GLI2: variants seen among roughly 807,000 people sequenced by gnomAD.
GLI2 encodes transcription activator GLI2.
GLI2 carries 22 observed loss-of-function variants against 78.9 expected under a neutral mutation model. The observed-to-expected ratio is 0.28, with a 90% CI of 0.20 to 0.40. GLI2 has a LOEUF of 0.40. Among genes scored for constraint, GLI2 ranks in the 10% least tolerant of loss-of-function variants. The pLI, the probability that GLI2 is intolerant of heterozygous loss-of-function variation, is 1.00. For missense variants in GLI2, 2,097 were observed against 2,213.2 expected (o/e 0.95, Z 1.05); for synonymous variants, 974 against 963.7 (o/e 1.01, Z -0.20).
chr2:120,815,099 G>A (rs1179033614), intron 2 of GLI2, among the ~76,000 whole-genome samples: 5 of 152,150 alleles, frequency 3.3e-5, no homozygotes, highest in African/African-American at 9.7e-5. Flanking sequence ...CCAGGGATGA[G>A]CCTGATCTAT....
At chr2:120,855,642 G>A (rs536028279) in intron 2 of GLI2, among the ~76,000 whole-genome samples, 64 of 152,352 alleles carry the variant, frequency 4.2e-4, no homozygotes, top group African/African-American at 1.5e-3. Context: ...TGAAACTACT[G>A]CGAGCTCACT....
chr2:120,860,117 G>A (rs1437788473), intron 2 of GLI2, among the ~76,000 whole-genome samples: 1 of 152,180 alleles, frequency 6.6e-6, no homozygotes, highest in Non-Finnish European at 1.5e-5. Flanking sequence ...GTGGTGTGAG[G>A]GTGGATTGAA....
chr2:120,775,607 C>T (rs1683654593), intron 1 of GLI2, among the ~76,000 whole-genome samples: 1 of 152,266 alleles, frequency 6.6e-6, no homozygotes, highest in East Asian at 1.9e-4. Flanking sequence ...AGAGTACCCC[C>T]CAGAGTAATT....
chr2:120,918,185 G>A (rs1414431469), intron 2 of GLI2, among the ~76,000 whole-genome samples: 3 of 152,178 alleles, frequency 2.0e-5, no homozygotes, highest in Non-Finnish European at 2.9e-5. Flanking sequence ...TGTATGTCAA[G>A]GCCATATGAG....
At chr2:120,875,785 A>G (rs937434284) in intron 2 of GLI2, among the ~76,000 whole-genome samples, 2 of 152,140 alleles carry the variant, frequency 1.3e-5, no homozygotes, top group Non-Finnish European at 1.5e-5. Flanking sequence ...AGCCAGGACT[A>G]AAAGATGACA....
intron 3 of GLI2, among the ~76,000 whole-genome samples, chr2:120,935,937 G>A (rs549011533): frequency 2.0e-5 from 3 of 152,306 alleles, no homozygotes; most frequent in East Asian, 1.9e-4. Context: ...GGAGAGAGCC[G>A]TGGTGGTCAG....
At position 120,834,333 on chromosome 2, in the gene GLI2, G is replaced by A. The variant is rs114447143; in HGVS notation, c.148+36865G>A. Among the ~76,000 whole-genome samples, 554 of 152,300 alleles carry A rather than the reference G, an allele frequency of 3.6e-3. 2 individuals are homozygous for A. Among genetic ancestry groups the A allele is most frequent in the African/African-American group, 0.012 (484 of 41,574 alleles). ...TTTGTGGAAGGGCTGGCAAGGCAGGGCCAGAAGCTTAGGGTTGGCCGGTTT... is the reference window on the plus strand; with the variant it reads ...TTTGTGGAAGGGCTGGCAAGGCAGGACCAGAAGCTTAGGGTTGGCCGGTTT... On this transcript the variant is annotated intron_variant, in intron 2 of 13. Coordinates refer to ENST00000361492, the MANE Select transcript of GLI2 (RefSeq NM_001374353.1).
chr2:120,797,252 G>T (rs1659761846), intron 1 of GLI2, 39 bp from the exon 2 acceptor site: 1 of 1,539,640 alleles, frequency 6.5e-7, no homozygotes, highest in Non-Finnish European at 9.0e-7. Flanking sequence ...GGCTGGGTTT[G>T]GGCTCAGTGT....
At chr2:120,941,097 C>G (rs11904594) in intron 3 of GLI2, among the ~76,000 whole-genome samples, 3,819 of 152,292 alleles carry the variant, frequency 0.025, 173 homozygotes, top group African/African-American at 0.088. Context: ...TGAATGTCTG[C>G]AAACTGCGGC....
chr2:120,940,362 G>C (rs1253759459), intron 3 of GLI2, among the ~76,000 whole-genome samples: 1 of 152,016 alleles, frequency 6.6e-6, no homozygotes, highest in African/African-American at 2.4e-5. Flanking sequence ...TTCAGCCTCT[G>C]GACTATAGTG....
intron 2 of GLI2, among the ~76,000 whole-genome samples, chr2:120,920,103 T>C (rs1287999067): frequency 6.6e-6 from 1 of 152,236 alleles, no homozygotes; most frequent in Admixed American, 6.5e-5. Flanking sequence ...TCCCGCAGTC[T>C]TGATGGAAGA....
rs1261469225 is a variant in GLI2 at position 120,867,127 on chromosome 2, C to T, written c.149-60234C>T. The T allele has an allele frequency of 5.3e-5, 8 of 152,324 alleles. No individual in the cohort carries two copies. The South Asian group carries it at 6.2e-4, about 12-fold the overall frequency. 9.4% of individuals were successfully genotyped at this position (152,324 alleles called of 1,614,324 possible). A position where few individuals can be genotyped will look rare whatever the true frequency, so the allele number is the denominator to read the frequency against. The stretch of plus-strand genomic sequence containing the variant: ...CTTCTTACCCAGTGGGCTGCCTAGT[C>T]CACATGGCCCCTAAGATCCCACCCA... On this transcript the variant is annotated intron_variant, in intron 2 of 13. Coordinates refer to ENST00000361492, the MANE Select transcript of GLI2 (RefSeq NM_001374353.1).
intron 2 of GLI2, among the ~76,000 whole-genome samples, chr2:120,817,675 G>A (rs1685564683): frequency 6.6e-6 from 1 of 152,138 alleles, no homozygotes; most frequent in Non-Finnish European, 1.5e-5. Flanking sequence ...AGCTGTCTCT[G>A]CCCAGACCCC....
intron 1 of GLI2, among the ~76,000 whole-genome samples, chr2:120,752,512 G>A (rs185988517): frequency 1.2e-3 from 185 of 152,054 alleles, no homozygotes; most frequent in African/African-American, 4.3e-3. Context: ...CTCGTGATCC[G>A]CCCACCTCGG....
intron 13 of GLI2, 33 bp from the exon 14 acceptor site, chr2:120,988,175 T>A: frequency 2.6e-6 from 4 of 1,566,098 alleles, no homozygotes; most frequent in Non-Finnish European, 3.5e-6. Context: ...CACCCACCCT[T>A]GTCCCGGTGC....
At chr2:120,823,968 A>G (rs1685908955) in intron 2 of GLI2, among the ~76,000 whole-genome samples, 1 of 152,222 alleles carries the variant, frequency 6.6e-6, no homozygotes, top group African/African-American at 2.4e-5. Context: ...AATTATTCAT[A>G]TTTTATGGGC....
intron 2 of GLI2, among the ~76,000 whole-genome samples, chr2:120,809,038 C>T (rs1685103125): frequency 6.6e-6 from 1 of 152,126 alleles, no homozygotes; most frequent in African/African-American, 2.4e-5. Context: ...TAATTGAAAA[C>T]CTATGTGCAC....
chr2:120,972,721 G>C (rs967532593), intron 8 of GLI2: 1 of 517,256 alleles, frequency 1.9e-6, no homozygotes, highest in Admixed American at 1.9e-5. Flanking sequence ...ATGCACATTT[G>C]AGTCAGTGAG....
chr2:120,969,793 A>G (rs72957214), intron 6 of GLI2, among the ~76,000 whole-genome samples: 5,637 of 152,260 alleles, frequency 0.037, 331 homozygotes, highest in African/African-American at 0.13. Context: ...TCCTCACAAC[A>G]TGGCAGACGG....
Sources: gnomAD v4.1 joint callset for allele counts (sites outside exome capture counted in the v4.1 genomes callset) on GRCh38, gnomAD v4.1.1 for gene constraint, MANE v1.5 for transcripts, NCBI Gene and HGNC (gene_info 2026-07-23, HGNC 2026-07-21) for gene names.